The following MFHAS1 variants were observed in gnomAD, a reference collection of about 807,000 sequenced individuals.
MFHAS1 encodes malignant fibrous histiocytoma-amplified sequence 1.
A neutral mutation model predicts 70.4 loss-of-function variants in MFHAS1; 50 were observed. The observed-to-expected ratio is 0.71, with a 90% CI of 0.57 to 0.90. MFHAS1 has a LOEUF of 0.90. MFHAS1 is among the 40% of genes least tolerant of loss of function. The pLI is 0.00. For synonymous variants in MFHAS1, 952 were observed against 620.0 expected (o/e 1.54, Z -7.96); for missense variants, 1,795 against 1,347.6 (o/e 1.33, Z -5.20).
chr8:8,784,798 C>T lies in MFHAS1; in HGVS notation c.*1224G>A, dbSNP rs947509888. The stretch of plus-strand genomic sequence containing the variant: ...AAACATGTTACTACTGTAGCATATG[C>T]TGTTTGGCCCAATTAAAAGTAGAAT... On this transcript the variant is annotated 3_prime_UTR_variant, in exon 3 of 3. Coordinates refer to ENST00000276282, the MANE Select transcript of MFHAS1 (RefSeq NM_004225.3). The T allele has an allele frequency of 6.6e-6, 1 of 152,170 alleles. No individual in the cohort carries two copies. Among genetic ancestry groups the T allele is most frequent in the Non-Finnish European group, 1.5e-5 (1 of 68,044 alleles). 9.4% of individuals were successfully genotyped at this position (152,170 alleles called of 1,614,324 possible).
At chr8:8,786,392 G>A (rs1187570424) in intron 2 of MFHAS1, among the ~76,000 whole-genome samples, 3 of 152,076 alleles carry the variant, frequency 2.0e-5, no homozygotes, top group Non-Finnish European at 2.9e-5. Flanking sequence ...CTCTAAACAC[G>A]GAACTGTTTC....
At chr8:8,849,036 A>T (rs143965470) in intron 1 of MFHAS1, among the ~76,000 whole-genome samples, 2 of 149,542 alleles carry the variant, frequency 1.3e-5, no homozygotes, top group Admixed American at 1.3e-4. Context: ...TGCAAAGAAC[A>T]GCTCTGCAGC....
At chr8:8,824,762 T>C (rs1018129949) in intron 1 of MFHAS1, among the ~76,000 whole-genome samples, 1 of 152,122 alleles carries the variant, frequency 6.6e-6, no homozygotes, top group Non-Finnish European at 1.5e-5. Flanking sequence ...TGAGACAGGG[T>C]ATCCATCAAT....
In MFHAS1 at chr8:8,788,611, G is replaced by A. The variant is rs142429220; in HGVS notation, c.3126-2556C>T. ...GGATAATTGCTTGAACCCAGGAGGC[G>A]GAGGGTGCAGTGAACCAAGATTGTG... On this transcript the variant is annotated intron_variant, in intron 2 of 2. Coordinates refer to ENST00000276282, the MANE Select transcript of MFHAS1 (RefSeq NM_004225.3). Among the ~76,000 whole-genome samples, 304 of 152,328 alleles carry A rather than the reference G, an allele frequency of 2.0e-3. 1 individual carries two copies. The highest frequency in any genetic ancestry group is 3.5e-3 in the Non-Finnish European group (238 of 68,024).
chr8:8,849,287 T>C (rs544914340), intron 1 of MFHAS1, among the ~76,000 whole-genome samples: 2 of 152,146 alleles, frequency 1.3e-5, no homozygotes, highest in Admixed American at 1.3e-4. Context: ...TGCCATGTTG[T>C]TCAGGCTGCT....
intron 2 of MFHAS1, among the ~76,000 whole-genome samples, chr8:8,788,845 G>A (rs944585291): frequency 6.6e-6 from 1 of 152,212 alleles, no homozygotes; most frequent in African/African-American, 2.4e-5. Context: ...CCAGTGGACT[G>A]AGAGGCAGCC....
rs58475480 is a variant in MFHAS1 at position 8,853,466 on chromosome 8, TAAAA to T, written c.2998+36591_2998+36594del. ...ATCGCACAAGGTGTCTGCTCATTCT[TAAAA>T]AAAAAAAAAAAAAAAAAAAACCACA... is the stretch of plus-strand genomic sequence containing the variant. On this transcript the variant is annotated intron_variant, in intron 1 of 2. Coordinates refer to ENST00000276282, the MANE Select transcript of MFHAS1 (RefSeq NM_004225.3). Among the ~76,000 whole-genome samples, 9 of 120,182 alleles carry T rather than the reference TAAAA, an allele frequency of 7.5e-5. No individual in the cohort carries two copies. The South Asian group carries it at 1.4e-3, about 18-fold the overall frequency. 78.8% of individuals were successfully genotyped at this position (120,182 alleles called of 152,430 possible). A position where few individuals can be genotyped will look rare whatever the true frequency, so the allele number is the denominator to read the frequency against.
chr8:8,814,971 A>G (rs1433653083), intron 1 of MFHAS1, among the ~76,000 whole-genome samples: 2 of 151,320 alleles, frequency 1.3e-5, no homozygotes, highest in Non-Finnish European at 2.9e-5. Context: ...TCACCTAGGT[A>G]TTAAGCCCAG....
chr8:8,867,621 A>G (rs1254956512), intron 1 of MFHAS1, among the ~76,000 whole-genome samples: 1 of 151,346 alleles, frequency 6.6e-6, no homozygotes, highest in Admixed American at 6.6e-5. Flanking sequence ...GCAGTGGCGC[A>G]ATCTCGGCTC....
chr8:8,816,517 A>C (rs1396752610), intron 1 of MFHAS1, among the ~76,000 whole-genome samples: 1 of 152,252 alleles, frequency 6.6e-6, no homozygotes, highest in Non-Finnish European at 1.5e-5. Context: ...AAATGCACAC[A>C]CAGGCAGAAA....
chr8:8,814,396 G>T (rs1027958123), intron 1 of MFHAS1, among the ~76,000 whole-genome samples: 1 of 152,234 alleles, frequency 6.6e-6, no homozygotes, highest in East Asian at 1.9e-4. Flanking sequence ...TACAGCCTGG[G>T]TGTGTAGTAG....
chr8:8,851,538 T>C (rs1017058556), intron 1 of MFHAS1, among the ~76,000 whole-genome samples: 1 of 152,232 alleles, frequency 6.6e-6, no homozygotes, highest in Non-Finnish European at 1.5e-5. Flanking sequence ...CTTAATTAAA[T>C]TCATCCTACC....
intron 1 of MFHAS1, among the ~76,000 whole-genome samples, chr8:8,875,902 A>G (rs1265518549): frequency 1.3e-5 from 2 of 152,166 alleles, no homozygotes; most frequent in Non-Finnish European, 2.9e-5. Flanking sequence ...GTTTTTATAA[A>G]GGGGAAAAAG....
In MFHAS1 at chr8:8,892,064, C is replaced by A; in HGVS notation, c.995G>T (p.Arg332Leu). Residue 332 changes from arginine to leucine, a missense_variant, in exon 1 of 3, where the codon CGC becomes CTC. Arg to Leu is a moderately radical substitution (Grantham distance 102, BLOSUM62 -2). Transcript: ENST00000276282. The surrounding 1 kb of genome is among the most constrained non-coding windows in gnomAD (Gnocchi z 4.7). ...LTLWLDNNRIRYLPDSIVELT... is the reference protein window; with the variant it reads ...LTLWLDNNRILYLPDSIVELT... ...CTCCACGATGGAGTCCGGCAGGTAG[C>A]GGATGCGGTTATTATCCAGCCACAA... 6.2e-7 allele frequency: 1 copy of A among 1,613,302 alleles called. No homozygotes were observed. Among genetic ancestry groups the A allele is most frequent in the Non-Finnish European group, 8.5e-7 (1 of 1,179,998 alleles).
chr8:8,890,889 CCTT>C lies in MFHAS1; in HGVS notation c.2167_2169del (p.Lys723del). The C allele has an allele frequency of 1.2e-6, 2 of 1,614,122 alleles. No homozygotes were observed. The highest frequency in any genetic ancestry group is 1.7e-6 in the Non-Finnish European group (2 of 1,180,046). On this transcript the variant is annotated inframe_deletion, in exon 1 of 3. Transcript: ENST00000276282. Reference sequence around the variant, plus strand: ...CGGGTGAGGTTGTGGAAGACGTGCTCCTTGAGAGCCGGACTGTCCTCAAAGTAG... The same window carrying C: ...CGGGTGAGGTTGTGGAAGACGTGCTCGAGAGCCGGACTGTCCTCAAAGTAG...
intron 1 of MFHAS1, among the ~76,000 whole-genome samples, chr8:8,806,107 C>G (rs1051947945): frequency 6.6e-6 from 1 of 152,202 alleles, no homozygotes; most frequent in Admixed American, 6.5e-5. Flanking sequence ...TTTGCAATTC[C>G]TCTTCCTCCT....
chr8:8,839,286 T>G (rs1439997712), intron 1 of MFHAS1, among the ~76,000 whole-genome samples: 1 of 152,210 alleles, frequency 6.6e-6, no homozygotes, highest in African/African-American at 2.4e-5. Context: ...AGACTCTAAT[T>G]TCTCCACATC....
chr8:8,850,057 T>A (rs1412715123), intron 1 of MFHAS1, among the ~76,000 whole-genome samples: 2 of 152,222 alleles, frequency 1.3e-5, no homozygotes, highest in Middle Eastern at 3.2e-3. Flanking sequence ...ACTATGCTTG[T>A]TCTAATGAAG....
At chr8:8,852,023 G>A (rs1808264901) in intron 1 of MFHAS1, among the ~76,000 whole-genome samples, 1 of 152,288 alleles carries the variant, frequency 6.6e-6, no homozygotes, top group Middle Eastern at 3.4e-3. Flanking sequence ...CCCAGTTTTG[G>A]ATACATAGGG....
Sources: allele counts gnomAD v4.1 joint callset (sites outside exome capture counted in the v4.1 genomes callset), GRCh38; gene constraint gnomAD v4.1.1; non-coding constraint Gnocchi (gnomAD v3.1); transcripts MANE v1.5; gene names NCBI Gene and HGNC (gene_info 2026-07-23, HGNC 2026-07-21).